Variants in PABPC4L observed in about 807,000 individuals in gnomAD.
PABPC4L encodes polyadenylate-binding protein 4-like.
For missense variants in PABPC4L, 452 were observed against 451.4 expected (o/e 1.00, Z -0.01); for synonymous variants, 169 against 164.1 (o/e 1.03, Z -0.23).
At chr4:134,161,127 G>GA in the PABPC4L span, among the ~76,000 whole-genome samples, 1 of 151,812 alleles carries the variant, frequency 6.6e-6, no homozygotes, top group South Asian at 2.1e-4. Flanking sequence ...TTCTAAAGCT[G>GA]AAAAATTCAA....
chr4:134,140,875 GA>G, the PABPC4L span, among the ~76,000 whole-genome samples: 15 of 151,322 alleles, frequency 9.9e-5, no homozygotes, highest in East Asian at 9.7e-4. Flanking sequence ...AGTCCTTAGG[GA>G]AAAAAAATGT....
At chr4:133,994,003 A>G in the PABPC4L span, among the ~76,000 whole-genome samples, 1 of 152,172 alleles carries the variant, frequency 6.6e-6, no homozygotes, top group Admixed American at 6.5e-5. Context: ...AAAGGTCTCC[A>G]AGGCCAATAT....
At chr4:134,072,764 C>T in the PABPC4L span, among the ~76,000 whole-genome samples, 1 of 152,104 alleles carries the variant, frequency 6.6e-6, no homozygotes, top group African/African-American at 2.4e-5. Context: ...AGGAGACTTA[C>T]TATCATGGTG....
the PABPC4L span, among the ~76,000 whole-genome samples, chr4:133,957,297 C>T: frequency 1.6e-4 from 25 of 152,174 alleles, no homozygotes; most frequent in African/African-American, 4.8e-4. Context: ...CATGCTAGTC[C>T]GAAATCTAGT....
At chr4:134,080,387 C>T in the PABPC4L span, among the ~76,000 whole-genome samples, 1 of 152,112 alleles carries the variant, frequency 6.6e-6, no homozygotes, top group Non-Finnish European at 1.5e-5. Context: ...GCACTTTATC[C>T]AGCATTGATT....
the PABPC4L span, among the ~76,000 whole-genome samples, chr4:133,988,264 C>G: frequency 1.1e-4 from 16 of 152,268 alleles, no homozygotes; most frequent in South Asian, 6.2e-4. Flanking sequence ...AGTCTGAACT[C>G]ATTTCAGCAT....
the PABPC4L span, among the ~76,000 whole-genome samples, chr4:134,186,694 G>T: frequency 5.9e-5 from 9 of 152,176 alleles, no homozygotes; most frequent in African/African-American, 2.2e-4. Flanking sequence ...TGACAAATGG[G>T]ATCTAATTAA....
chr4:134,074,489 C>T, the PABPC4L span, among the ~76,000 whole-genome samples: 29,425 of 152,046 alleles, frequency 0.19, 3,598 homozygotes, highest in Admixed American at 0.31. Flanking sequence ...CCACATTTTC[C>T]TATCTTATTT....
rs1729836825 is a variant in PABPC4L, at chr4:134,200,734, C to T, written c.286G>A (p.Gly96Arg). The part of the protein sequence containing the change: ...SQRDAYLRRS[G>R]IGNVFIKNLD... Reference sequence around the variant, plus strand: ...TTCTTGATGAATACGTTCCCAATTCCAGATCTCCTCAAGTAGGCATCGCGC... The same window carrying T: ...TTCTTGATGAATACGTTCCCAATTCTAGATCTCCTCAAGTAGGCATCGCGC... The change falls in exon 2 of 2, where the codon GGA becomes AGA. Residue 96 changes from glycine (G) to arginine (R), a missense_variant. Physicochemically the swap from Gly to Arg is moderately radical, Grantham distance 125. Transcript: ENST00000421491. 1 of 1,551,556 alleles carries T rather than the reference C, an allele frequency of 6.4e-7. No homozygotes were observed.
At chr4:134,114,148 G>A in the PABPC4L span, among the ~76,000 whole-genome samples, 1 of 151,690 alleles carries the variant, frequency 6.6e-6, no homozygotes, top group Non-Finnish European at 1.5e-5. Flanking sequence ...ATAGGAACAA[G>A]AGGGTGGATT....
the PABPC4L span, among the ~76,000 whole-genome samples, chr4:133,972,435 A>G: frequency 6.6e-6 from 1 of 152,286 alleles, no homozygotes; most frequent in Admixed American, 6.5e-5. Flanking sequence ...ACACTCCAAG[A>G]CTGAAGCATC....
At chr4:134,154,363 C>T in the PABPC4L span, among the ~76,000 whole-genome samples, 5 of 151,810 alleles carry the variant, frequency 3.3e-5, no homozygotes, top group South Asian at 4.2e-4. Context: ...GGCTGAGGCA[C>T]GAGAATTGTC....
the PABPC4L span, among the ~76,000 whole-genome samples, chr4:133,966,624 G>T: frequency 6.6e-6 from 1 of 152,230 alleles, no homozygotes; most frequent in South Asian, 2.1e-4. Context: ...ATACTACTCA[G>T]CCATAAAAAA....
chr4:134,099,576 T>C, the PABPC4L span, among the ~76,000 whole-genome samples: 1 of 151,846 alleles, frequency 6.6e-6, no homozygotes, highest in African/African-American at 2.4e-5. Context: ...GTAATGCTTA[T>C]TTTGAAAGAA....
chr4:134,151,031 C>A, the PABPC4L span, among the ~76,000 whole-genome samples: 1 of 151,906 alleles, frequency 6.6e-6, no homozygotes, highest in African/African-American at 2.4e-5. Flanking sequence ...GAAGTCAGAC[C>A]CAAATGAATA....
At chr4:134,079,517 T>TG in the PABPC4L span, among the ~76,000 whole-genome samples, 1 of 138,192 alleles carries the variant, frequency 7.2e-6, no homozygotes, top group East Asian at 2.1e-4. Flanking sequence ...AGGCAGAGCT[T>TG]GCAGTGAGCT....
At chr4:134,058,233 A>G in the PABPC4L span, among the ~76,000 whole-genome samples, 6 of 152,192 alleles carry the variant, frequency 3.9e-5, no homozygotes, top group African/African-American at 1.2e-4. Flanking sequence ...AAGATAAAAC[A>G]TACTTAAATA....
At chr4:133,991,187 G>A in the PABPC4L span, among the ~76,000 whole-genome samples, 1 of 152,130 alleles carries the variant, frequency 6.6e-6, no homozygotes, top group South Asian at 2.1e-4. Context: ...GTGACCCCCA[G>A]GAGCGGGGGT....
chr4:134,169,454 A>C, the PABPC4L span, among the ~76,000 whole-genome samples: 1 of 152,234 alleles, frequency 6.6e-6, no homozygotes, highest in South Asian at 2.1e-4. Flanking sequence ...GAGCAATCAG[A>C]CAAGAGAAAT....
Sources: allele counts gnomAD v4.1 joint callset (sites outside exome capture counted in the v4.1 genomes callset), GRCh38; gene constraint gnomAD v4.1.1; transcripts MANE v1.5; gene names NCBI Gene and HGNC (gene_info 2026-07-23, HGNC 2026-07-21).